The following SEL1L2 variants were observed in gnomAD, a reference collection of about 807,000 sequenced individuals.
SEL1L2 encodes the protein SEL1L2 adaptor subunit of SYVN1 ubiquitin ligase.
In SEL1L2, 89 loss-of-function variants were observed where a neutral mutation model predicts 98.8. The ratio of observed to expected loss-of-function variants is 0.90; its 90% confidence interval spans 0.76 to 1.07. The LOEUF (loss-of-function observed/expected upper bound fraction) is 1.07, where lower values mean the gene tolerates loss of function less well. Among genes scored for constraint, SEL1L2 ranks in the 50% least tolerant of loss-of-function variants. SEL1L2 has a pLI of 0.00. For missense variants in SEL1L2, 788 were observed against 812.0 expected (o/e 0.97, Z 0.36); for synonymous variants, 262 against 278.5 (o/e 0.94, Z 0.59).
At chr20:13,979,447 T>C (rs1481487265) in intron 1 of SEL1L2, among the ~76,000 whole-genome samples, 1 of 152,346 alleles carries the variant, frequency 6.6e-6, no homozygotes, top group East Asian at 1.9e-4. Context: ...TGAGGTGCTA[T>C]GCTAATAACT....
chr20:13,855,087 T>G (rs1988941022), intron 18 of SEL1L2, among the ~76,000 whole-genome samples: 1 of 149,656 alleles, frequency 6.7e-6, no homozygotes, highest in Non-Finnish European at 1.5e-5. Context: ...TGGGGTTCCT[T>G]GAGGGATTCC....
At chr20:13,871,477 G>T (rs1158575074) in intron 12 of SEL1L2, among the ~76,000 whole-genome samples, 2 of 151,672 alleles carry the variant, frequency 1.3e-5, no homozygotes, top group Non-Finnish European at 2.9e-5. Context: ...TCACCCTCTA[G>T]TGACTACAGT....
chr20:13,964,348 C>A (rs576969996), intron 1 of SEL1L2, among the ~76,000 whole-genome samples: 1 of 152,076 alleles, frequency 6.6e-6, no homozygotes, highest in African/African-American at 2.4e-5. Flanking sequence ...GAAGAGCCAG[C>A]CCAAGGACCC....
At chr20:13,910,039 C>T (rs1351336353) in intron 5 of SEL1L2, among the ~76,000 whole-genome samples, 2 of 152,194 alleles carry the variant, frequency 1.3e-5, no homozygotes, top group Non-Finnish European at 2.9e-5. Context: ...GAATTTTGCA[C>T]ACCAGGTCAA....
At chr20:13,964,577 G>C (rs2260804) in intron 1 of SEL1L2, among the ~76,000 whole-genome samples, 2 of 149,834 alleles carry the variant, frequency 1.3e-5, no homozygotes, top group African/African-American at 2.4e-5. Context: ...CTCAGCCTCC[G>C]GAGTAGCTGG....
intron 1 of SEL1L2, among the ~76,000 whole-genome samples, chr20:13,963,164 C>T (rs1390746259): frequency 6.6e-6 from 1 of 151,776 alleles, no homozygotes; most frequent in Non-Finnish European, 1.5e-5. Flanking sequence ...TTTCAAAATG[C>T]TTTAACTCCT....
chr20:13,983,135 T>C (rs2051947738), intron 1 of SEL1L2, among the ~76,000 whole-genome samples: 1 of 149,808 alleles, frequency 6.7e-6, no homozygotes, highest in East Asian at 2.0e-4. Context: ...TTCTAAGCCA[T>C]ATACTTTGGG....
chr20:13,914,910 G>A (rs148887369), intron 4 of SEL1L2, among the ~76,000 whole-genome samples: 127 of 152,304 alleles, frequency 8.3e-4, no homozygotes, highest in African/African-American at 2.8e-3. Flanking sequence ...GACCTGATTG[G>A]TATAAGAAGT....
At chr20:13,977,507 T>C (rs2051599428) in intron 1 of SEL1L2, among the ~76,000 whole-genome samples, 1 of 152,082 alleles carries the variant, frequency 6.6e-6, no homozygotes, top group Non-Finnish European at 1.5e-5. Flanking sequence ...TTGGGATCCA[T>C]TAGGAGCAGG....
intron 2 of SEL1L2, among the ~76,000 whole-genome samples, chr20:13,952,856 C>T (rs891702618): frequency 6.6e-6 from 1 of 152,178 alleles, no homozygotes; most frequent in Admixed American, 6.5e-5. Context: ...TAGTGAGACC[C>T]CATCTCTATT....
At chr20:13,855,547 T>A (rs1292778072) in intron 18 of SEL1L2, among the ~76,000 whole-genome samples, 1 of 152,188 alleles carries the variant, frequency 6.6e-6, no homozygotes, top group African/African-American at 2.4e-5. Flanking sequence ...TCCCCAAATT[T>A]TAATGGCTTA....
At chr20:13,990,628 G>A, upstream of SEL1L2, 1 of 933,980 alleles carries the variant, frequency 1.1e-6, no homozygotes, top group Non-Finnish European at 1.7e-6. Context: ...GTGGGGGCAG[G>A]AGTCAGTTGC....
rs1407697729 is a variant in SEL1L2 at position 13,867,222 on chromosome 20, T to C, written c.1256-372A>G. 2.0e-5 allele frequency among the ~76,000 whole-genome samples: 3 copies of C among 152,178 alleles called. No individual in the cohort carries two copies. In the South Asian group the frequency reaches 6.2e-4, roughly 32 times the overall value. ...TCTCGCCATCTTTGTGATCCTTCCA[T>C]ATCAGGACACCCATATAGCTTCTCC... is the stretch of plus-strand genomic sequence containing the variant. On this transcript the variant is annotated intron_variant, in intron 14 of 19. Transcript: ENST00000284951.
intron 4 of SEL1L2, among the ~76,000 whole-genome samples, chr20:13,915,433 A>G (rs935677213): frequency 3.3e-5 from 5 of 152,188 alleles, no homozygotes; most frequent in African/African-American, 9.7e-5. Flanking sequence ...GGCAACAGGA[A>G]GAGAGCCTGG....
intron 1 of SEL1L2, among the ~76,000 whole-genome samples, chr20:13,966,483 T>C (rs997589498): frequency 6.6e-6 from 1 of 152,068 alleles, no homozygotes; most frequent in Admixed American, 6.6e-5. Context: ...CACACCCAGC[T>C]AATTTTTCTA....
intron 2 of SEL1L2, among the ~76,000 whole-genome samples, chr20:13,932,118 G>A (rs1980566): frequency 0.99 from 150,475 of 152,286 alleles, 74,342 homozygotes; most frequent in East Asian, 1. Flanking sequence ...AAAAATGAAG[G>A]CGTTGATATT....
At chr20:13,874,968 G>A (rs60376722) in intron 12 of SEL1L2, among the ~76,000 whole-genome samples, 77 of 152,312 alleles carry the variant, frequency 5.1e-4, no homozygotes, top group African/African-American at 1.8e-3. Context: ...TTTTATGCAT[G>A]AAAGGGATTC....
chr20:13,891,663 C>CAAAAA (rs61545047), intron 5 of SEL1L2, among the ~76,000 whole-genome samples: 64 of 74,198 alleles, frequency 8.6e-4, no homozygotes, highest in Non-Finnish European at 1.2e-3. Flanking sequence ...AAGACTCCAT[C>CAAAAA]AAAAAAAAAA....
intron 2 of SEL1L2, among the ~76,000 whole-genome samples, chr20:13,947,498 A>G (rs1205205888): frequency 2.0e-5 from 3 of 152,108 alleles, no homozygotes; most frequent in African/African-American, 7.2e-5. Context: ...GCACCTCTTC[A>G]CCTTGCTCAC....
Sources: gnomAD v4.1 joint callset for allele counts (sites outside exome capture counted in the v4.1 genomes callset) on GRCh38, gnomAD v4.1.1 for gene constraint, MANE v1.5 for transcripts, NCBI Gene and HGNC (gene_info 2026-07-23, HGNC 2026-07-21) for gene names.